ADAMTS12: variants seen among roughly 807,000 people sequenced by gnomAD.
The protein encoded by ADAMTS12 is ADAM metallopeptidase with thrombospondin type 1 motif 12, also known as A disintegrin and metalloproteinase with thrombospondin motifs 12.
ADAMTS12 carries 118 observed loss-of-function variants against 167.8 expected under a neutral mutation model. That is an observed-to-expected ratio of 0.70 (90% CI 0.61 to 0.82). The LOEUF is 0.82. Ranked by LOEUF, ADAMTS12 falls within the 40% of genes least tolerant of loss-of-function variation. ADAMTS12 has a pLI of 0.00. For synonymous variants in ADAMTS12, 704 were observed against 716.9 expected (o/e 0.98, Z 0.29); for missense variants, 1,916 against 1,998.8 (o/e 0.96, Z 0.79).
chr5:33,707,404 T>C (rs1743240852), intron 3 of ADAMTS12, among the ~76,000 whole-genome samples: 1 of 152,166 alleles, frequency 6.6e-6, no homozygotes, highest in African/African-American at 2.4e-5. Context: ...TTTAATGTTA[T>C]TGCCATCAAG....
intron 3 of ADAMTS12, among the ~76,000 whole-genome samples, chr5:33,686,631 T>C (rs1700458377): frequency 6.6e-6 from 1 of 151,736 alleles, no homozygotes; most frequent in Non-Finnish European, 1.5e-5. Flanking sequence ...TAGATCGAGA[T>C]GAGCTTGTGA....
At chr5:33,641,980 G>A (rs1344925807) in intron 10 of ADAMTS12, 25 bp from the exon 11 acceptor site, 2 of 1,588,696 alleles carry the variant, frequency 1.3e-6, no homozygotes, top group Admixed American at 3.4e-5. Context: ...GGCAGGAGAT[G>A]GCCGTATCAG....
In ADAMTS12 at chr5:33,635,902, C is replaced by A. The variant is rs72739440; in HGVS notation, c.1888+1675G>T. On this transcript the variant is annotated intron_variant, in intron 12 of 23. Coordinates refer to ENST00000504830, the MANE Select transcript of ADAMTS12 (RefSeq NM_030955.4). ...AGCATAGGAATCTGTAAAGAAACTACCGGGATAGAGGATGAATACTGATAG... is the reference window on the plus strand; with the variant it reads ...AGCATAGGAATCTGTAAAGAAACTAACGGGATAGAGGATGAATACTGATAG... Among the ~76,000 whole-genome samples the A allele has an allele frequency of 3.3e-5, 5 of 152,000 alleles. No homozygotes were observed. In the East Asian group the frequency reaches 5.8e-4, roughly 18 times the overall value.
At chr5:33,848,185 C>T (rs952863811) in intron 2 of ADAMTS12, among the ~76,000 whole-genome samples, 2 of 151,834 alleles carry the variant, frequency 1.3e-5, no homozygotes, top group Non-Finnish European at 2.9e-5. Context: ...CCACTGCACT[C>T]CAGCCTGGGT....
intron 3 of ADAMTS12, among the ~76,000 whole-genome samples, chr5:33,745,114 A>T (rs1387554799): frequency 6.6e-6 from 1 of 152,188 alleles, no homozygotes; most frequent in Non-Finnish European, 1.5e-5. Context: ...TGCTGTACCC[A>T]GATCTTTGGG....
chr5:33,731,190 CT>C (rs70964414), intron 3 of ADAMTS12, among the ~76,000 whole-genome samples: 389 of 144,242 alleles, frequency 2.7e-3, no homozygotes, highest in Middle Eastern at 3.6e-3. Flanking sequence ...TCTTTCTTTT[CT>C]TTTTTTTTTT....
intron 5 of ADAMTS12, among the ~76,000 whole-genome samples, chr5:33,669,532 C>CATCACTATATTTGCACTCTATTT (rs1741595145): frequency 6.6e-6 from 1 of 152,122 alleles, no homozygotes; most frequent in Admixed American, 6.5e-5. Flanking sequence ...CATTTGTTTT[C>CATCACTATATTTGCACTCTATTT]GGAATACATC....
At chr5:33,734,821 G>A (rs1429866954) in intron 3 of ADAMTS12, among the ~76,000 whole-genome samples, 1 of 152,198 alleles carries the variant, frequency 6.6e-6, no homozygotes, top group African/African-American at 2.4e-5. Flanking sequence ...CTTGGGAAAT[G>A]TTCCAGAGCC....
At chr5:33,812,957 G>A (rs1055420635) in intron 2 of ADAMTS12, among the ~76,000 whole-genome samples, 10 of 152,238 alleles carry the variant, frequency 6.6e-5, no homozygotes, top group Middle Eastern at 3.4e-3. Context: ...AGCCCAGGCC[G>A]CCAGGAAGAA....
At chr5:33,625,516 T>C (rs180699212) in intron 13 of ADAMTS12, among the ~76,000 whole-genome samples, 119 of 152,316 alleles carry the variant, frequency 7.8e-4, no homozygotes, top group Middle Eastern at 6.8e-3. Flanking sequence ...GCTATGGAGA[T>C]TGACTCTGAG....
chr5:33,850,675 AT>A (rs1293961188), intron 2 of ADAMTS12, among the ~76,000 whole-genome samples: 1 of 152,162 alleles, frequency 6.6e-6, no homozygotes, highest in Non-Finnish European at 1.5e-5. Flanking sequence ...GGGCTAGGAT[AT>A]TATTTCTCAC....
chr5:33,880,207 T>C (rs1484039276), intron 2 of ADAMTS12, among the ~76,000 whole-genome samples: 2 of 152,210 alleles, frequency 1.3e-5, no homozygotes, highest in Non-Finnish European at 2.9e-5. Flanking sequence ...CCAAACTGTC[T>C]CATCTGCTAA....
intron 19 of ADAMTS12, among the ~76,000 whole-genome samples, chr5:33,571,607 G>C (rs1746353565): frequency 6.6e-6 from 1 of 151,806 alleles, no homozygotes; most frequent in Admixed American, 6.6e-5. Flanking sequence ...AGCGTGTAGA[G>C]GGAAATTTAT....
At position 33,527,007 on chromosome 5, in the gene ADAMTS12, C is replaced by G. The variant is rs1019401206; in HGVS notation, c.*181G>C. 2 of 736,442 alleles carry G rather than the reference C, an allele frequency of 2.7e-6. No homozygotes were observed. The highest frequency in any genetic ancestry group is 1.8e-5 in the African/African-American group (1 of 56,628). 45.6% of individuals were successfully genotyped at this position (736,442 alleles called of 1,614,324 possible). On this transcript the variant is annotated 3_prime_UTR_variant, in exon 24 of 24. Coordinates refer to ENST00000504830, the MANE Select transcript of ADAMTS12 (RefSeq NM_030955.4). Reference sequence around the variant, plus strand: ...TATCAGGGAGCAGCAAGTACGGCAGCCTAGGCCTCCTGTGAGGGACATTCG... The same window carrying G: ...TATCAGGGAGCAGCAAGTACGGCAGGCTAGGCCTCCTGTGAGGGACATTCG...
chr5:33,530,655 GCTT>G (rs1744053074), intron 23 of ADAMTS12, among the ~76,000 whole-genome samples: 1 of 152,316 alleles, frequency 6.6e-6, no homozygotes, highest in Admixed American at 6.5e-5. Flanking sequence ...GTTCCACAAA[GCTT>G]CTTCTGGCAG....
intron 7 of ADAMTS12, among the ~76,000 whole-genome samples, chr5:33,656,447 C>A (rs1032209404): frequency 6.6e-6 from 1 of 152,154 alleles, no homozygotes; most frequent in Non-Finnish European, 1.5e-5. Context: ...AAGTTAAGTC[C>A]ATGATTGCCT....
intron 2 of ADAMTS12, among the ~76,000 whole-genome samples, chr5:33,774,250 G>A (rs1034964142): frequency 2.0e-5 from 3 of 152,058 alleles, no homozygotes; most frequent in Non-Finnish European, 4.4e-5. Context: ...AGACATTCCT[G>A]CCCATGGACA....
chr5:33,802,356 G>C (rs765318843), intron 2 of ADAMTS12, among the ~76,000 whole-genome samples: 2 of 152,174 alleles, frequency 1.3e-5, no homozygotes, highest in Non-Finnish European at 2.9e-5. Context: ...AAGCTAAGCT[G>C]GGCCAAGTAC....
At chr5:33,677,054 C>G (rs139466092) in intron 5 of ADAMTS12, among the ~76,000 whole-genome samples, 2 of 152,136 alleles carry the variant, frequency 1.3e-5, no homozygotes, top group Non-Finnish European at 2.9e-5. Context: ...CTTCATCCGA[C>G]TCACTCTCAT....
Sources: allele counts gnomAD v4.1 joint callset (sites outside exome capture counted in the v4.1 genomes callset), GRCh38; gene constraint gnomAD v4.1.1; transcripts MANE v1.5; gene names NCBI Gene and HGNC (gene_info 2026-07-23, HGNC 2026-07-21).